LRIG2: variants seen among roughly 807,000 people sequenced by gnomAD.
LRIG2 encodes leucine-rich repeats and immunoglobulin-like domains protein 2.
In LRIG2, 93 loss-of-function variants were observed where a neutral mutation model predicts 107.8. That is an observed-to-expected ratio of 0.86 (90% CI 0.73 to 1.03). The LOEUF (loss-of-function observed/expected upper bound fraction) is 1.03, where lower values mean the gene tolerates loss of function less well. Ranked by LOEUF, LRIG2 falls within the 50% of genes least tolerant of loss-of-function variation. The probability of loss-of-function intolerance (pLI) is 0.00; values close to 1 mark genes in which losing one functional copy is unlikely to be tolerated. For missense variants in LRIG2, 1,226 were observed against 1,296.0 expected, an observed-to-expected ratio of 0.95 and a Z score of 0.83; for synonymous variants, 471 against 470.6, an observed-to-expected ratio of 1.00 and a Z score of -0.01.
chr1:113,084,297 C>G (rs916888728), intron 1 of LRIG2, among the ~76,000 whole-genome samples: 7 of 146,018 alleles, frequency 4.8e-5, no homozygotes, highest in African/African-American at 2.5e-5. Flanking sequence ...CTCACTGCAA[C>G]CTCTGCCTCC....
chr1:113,118,965 C>T (rs1171457140), intron 16 of LRIG2, among the ~76,000 whole-genome samples: 6 of 152,100 alleles, frequency 3.9e-5, no homozygotes, highest in South Asian at 4.1e-4. Context: ...CACCCGGTAG[C>T]GGTATGACTT....
chr1:113,121,498 CTT>C (rs1655254024), intron 17 of LRIG2, among the ~76,000 whole-genome samples: 1 of 151,796 alleles, frequency 6.6e-6, no homozygotes, highest in African/African-American at 2.4e-5. Flanking sequence ...AATCCCAGCA[CTT>C]TGGGAGGCTG....
chr1:113,081,429 CAG>C (rs886202018), intron 1 of LRIG2, among the ~76,000 whole-genome samples: 4 of 150,984 alleles, frequency 2.6e-5, no homozygotes, highest in Non-Finnish European at 4.4e-5. Context: ...TTTTTTGAGA[CAG>C]AGTCCTGCTC....
chr1:113,106,618 C>A (rs1053311003), intron 11 of LRIG2, among the ~76,000 whole-genome samples: 11 of 152,062 alleles, frequency 7.2e-5, no homozygotes, highest in Admixed American at 4.6e-4. Flanking sequence ...AGTTCTCCTG[C>A]CTCAGCCTAC....
At position 113,100,747 on chromosome 1, in the gene LRIG2, G is replaced by C. The variant is rs1654272846; in HGVS notation, c.1313+259G>C. On this transcript the variant is annotated intron_variant, in intron 11 of 17. Coordinates refer to ENST00000361127, the MANE Select transcript of LRIG2 (RefSeq NM_014813.3). ...CTTATAATTAGGAGACCTCAGCACT[G>C]CTCCTTATGCTTTATGTATACCCTA... is the stretch of plus-strand genomic sequence containing the variant. The C allele has an allele frequency of 1.0e-5, 3 of 294,762 alleles. No individual in the cohort carries two copies. In the East Asian group the frequency reaches 1.6e-4, roughly 16 times the overall value. The allele number at this position is 294,762 out of a possible 1,614,324, so 18.3% of individuals were successfully genotyped here.
Position 113,114,463 on chromosome 1 carries a change from C to G in LRIG2, c.2117C>G (p.Thr706Arg). The change falls in exon 15 of 18, where the codon ACA (threonine) becomes AGA (arginine). Residue 706 changes from threonine (T) to arginine (R), a missense_variant. Physicochemically the swap from Thr to Arg is moderately conservative, Grantham distance 71. This residue lies in a region of LRIG2 where 642 missense variants were observed against 712.2 expected (regional missense o/e 0.90). Transcript: ENST00000361127. Reference sequence around the variant, plus strand: ...TTTATTAGACCCCTGGAGGATAAGACAGTAACACGAGGTGAAACTGCGGTG... The same window carrying G: ...TTTATTAGACCCCTGGAGGATAAGAGAGTAACACGAGGTGAAACTGCGGTG... ...PSFIRPLEDK[T>R]VTRGETAVLQ... 1 of 1,612,896 alleles carries G rather than the reference C, an allele frequency of 6.2e-7. No individual in the cohort carries two copies.
chr1:113,124,130 A>G lies in LRIG2; in HGVS notation c.*29A>G. On this transcript the variant is annotated 3_prime_UTR_variant, in exon 18 of 18. Coordinates refer to ENST00000361127, the MANE Select transcript of LRIG2 (RefSeq NM_014813.3). The stretch of plus-strand genomic sequence containing the variant: ...TCACTTCAGGATGAAATCTGGGCAG[A>G]GACTTATTAATTAATTTTGCATTTA... The G allele has an allele frequency of 1.9e-6, 3 of 1,591,768 alleles. No homozygotes were observed. The highest frequency in any genetic ancestry group is 2.6e-6 in the Non-Finnish European group (3 of 1,160,636).
chr1:113,116,488 A>G, intron 16 of LRIG2, 52 bp downstream of exon 16: 3 of 1,487,616 alleles, frequency 2.0e-6, no homozygotes, highest in Non-Finnish European at 1.8e-6. Flanking sequence ...TATTGAGTTT[A>G]CTTTTCAGTG....
intron 1 of LRIG2, among the ~76,000 whole-genome samples, chr1:113,089,698 T>TTTTTTTG (rs1351949299): frequency 2.1e-5 from 3 of 144,594 alleles, no homozygotes; most frequent in Admixed American, 1.4e-4. Context: ...TTTTTTTTTT[T>TTTTTTTG]GGAGACAGAG....
intron 11 of LRIG2, among the ~76,000 whole-genome samples, chr1:113,104,929 C>A (rs962117629): frequency 6.6e-6 from 1 of 152,036 alleles, no homozygotes; most frequent in African/African-American, 2.4e-5. Context: ...GGGCAGATCA[C>A]GAGGTCATGA....
chr1:113,123,789 G>T, intron 17 of LRIG2, 86 bp from the exon 18 acceptor site: 33 of 877,414 alleles, frequency 3.8e-5, no homozygotes, highest in African/African-American at 5.1e-5. Context: ...CAGGAATATT[G>T]AACATCTTTA....
At chr1:113,104,250 A>G (rs1018603648) in intron 11 of LRIG2, among the ~76,000 whole-genome samples, 1 of 151,934 alleles carries the variant, frequency 6.6e-6, no homozygotes, top group African/African-American at 2.4e-5. Flanking sequence ...AAATTCTTAC[A>G]TCCTCCATCC....
intron 2 of LRIG2, among the ~76,000 whole-genome samples, chr1:113,092,444 G>T (rs1653869582): frequency 1.3e-5 from 2 of 152,120 alleles, no homozygotes; most frequent in Admixed American, 1.3e-4. Flanking sequence ...AATTTCATCT[G>T]TGGTCTCAAG....
intron 1 of LRIG2, among the ~76,000 whole-genome samples, chr1:113,085,998 A>AG (rs1231203359): frequency 6.7e-5 from 7 of 104,306 alleles, no homozygotes; most frequent in Non-Finnish European, 7.9e-5. Context: ...GGTAACCCTG[A>AG]GGTTTTTTTT....
At position 113,086,197 on chromosome 1, in the gene LRIG2, G is replaced by GT. The variant is rs575268648; in HGVS notation, c.240-5118dup. 5.1e-4 allele frequency among the ~76,000 whole-genome samples: 77 copies of GT among 151,812 alleles called. 1 individual carries two copies. Among genetic ancestry groups the GT allele is most frequent in the African/African-American group, 1.8e-3 (76 of 41,400 alleles). On this transcript the variant is annotated intron_variant, in intron 1 of 17. Transcript: ENST00000361127. ...TTTTTATATTTTTAGTAGAAATGGGGTTTCACCATGTTGGCAAGGCTGGTC... is the reference window on the plus strand; with the variant it reads ...TTTTTATATTTTTAGTAGAAATGGGGTTTTCACCATGTTGGCAAGGCTGGTC...
intron 9 of LRIG2, among the ~76,000 whole-genome samples, chr1:113,099,452 C>G (rs1654215932): frequency 6.6e-6 from 1 of 151,080 alleles, no homozygotes; most frequent in Non-Finnish European, 1.5e-5. Flanking sequence ...ATTGCCCAGG[C>G]TGGTGTTGAA....
intron 1 of LRIG2, among the ~76,000 whole-genome samples, chr1:113,081,341 C>T (rs943286080): frequency 4.0e-5 from 6 of 151,764 alleles, no homozygotes; most frequent in African/African-American, 1.5e-4. Context: ...GTCATGATGG[C>T]TGACAGCTGT....
chr1:113,095,775 A>G, intron 6 of LRIG2, 99 bp from the exon 7 acceptor site: 2 of 1,213,316 alleles, frequency 1.6e-6, no homozygotes, highest in East Asian at 2.4e-5. Context: ...TGGGTTGAAC[A>G]AAGGTATATG....
At chr1:113,111,338 A>G (rs2101056111) in intron 13 of LRIG2, among the ~76,000 whole-genome samples, 1 of 152,304 alleles carries the variant, frequency 6.6e-6, no homozygotes, top group Middle Eastern at 3.4e-3. Flanking sequence ...ACCCAGCCTT[A>G]TTTCAGTACC....
Sources: allele counts gnomAD v4.1 joint callset (sites outside exome capture counted in the v4.1 genomes callset), GRCh38; gene constraint gnomAD v4.1.1; regional missense constraint gnomAD v4.1.1; transcripts MANE v1.5; gene names NCBI Gene and HGNC (gene_info 2026-07-23, HGNC 2026-07-21).